TRPM3: variants seen among roughly 807,000 people sequenced by gnomAD.
The protein encoded by TRPM3 is transient receptor potential cation channel subfamily M member 3.
In TRPM3, 77 loss-of-function variants were observed where a neutral mutation model predicts 181.2. That is an observed-to-expected ratio of 0.42 (90% confidence interval 0.35 to 0.51). The LOEUF (loss-of-function observed/expected upper bound fraction) is 0.51. Ranked by LOEUF, TRPM3 falls within the 20% of genes least tolerant of loss-of-function variation. The pLI is 0.01. For synonymous variants in TRPM3, 745 were observed against 796.4 expected (o/e 0.94, Z 1.09); for missense variants, 1,759 against 2,196.7 (o/e 0.80, Z 3.98).
At chr9:70,965,620 G>A (rs886360725) in intron 1 of TRPM3, among the ~76,000 whole-genome samples, 27 of 152,084 alleles carry the variant, frequency 1.8e-4, no homozygotes, top group Admixed American at 1.4e-3. Flanking sequence ...GCATCCCAGG[G>A]ATAAGGCCTA....
At chr9:70,985,020 T>A (rs535251187) in intron 1 of TRPM3, among the ~76,000 whole-genome samples, 2 of 152,160 alleles carry the variant, frequency 1.3e-5, no homozygotes, top group African/African-American at 4.8e-5. Flanking sequence ...ATGTGAACAA[T>A]AACCAGCAGA....
intron 9 of TRPM3, among the ~76,000 whole-genome samples, chr9:70,641,147 G>A (rs1308592042): frequency 6.6e-6 from 1 of 152,164 alleles, no homozygotes; most frequent in Non-Finnish European, 1.5e-5. Flanking sequence ...CTGGTGAGCA[G>A]CATTGCTCTA....
chr9:71,201,065 C>T (rs1309497492), intron 1 of TRPM3, among the ~76,000 whole-genome samples: 1 of 151,986 alleles, frequency 6.6e-6, no homozygotes, highest in Non-Finnish European at 1.5e-5. Context: ...TTAGGGCAGG[C>T]CTGGTGGTGA....
chr9:70,970,244 C>A (rs553548860), intron 1 of TRPM3, among the ~76,000 whole-genome samples: 7 of 152,154 alleles, frequency 4.6e-5, no homozygotes, highest in African/African-American at 1.7e-4. Flanking sequence ...AAAATGAAAA[C>A]CTTTATAATG....
intron 1 of TRPM3, among the ~76,000 whole-genome samples, chr9:71,197,971 C>T (rs921050853): frequency 4.0e-5 from 6 of 151,368 alleles, no homozygotes; most frequent in East Asian, 3.9e-4. Context: ...AATGGTAATG[C>T]CTAGGTTTTC....
intron 1 of TRPM3, among the ~76,000 whole-genome samples, chr9:71,214,891 G>A (rs1203720450): frequency 6.6e-6 from 1 of 151,962 alleles, no homozygotes; most frequent in East Asian, 1.9e-4. Context: ...CTTCTTTGAT[G>A]CTTCCCTGAG....
intron 1 of TRPM3, among the ~76,000 whole-genome samples, chr9:71,409,195 A>C (rs2093494900): frequency 1.3e-5 from 2 of 152,238 alleles, no homozygotes; most frequent in African/African-American, 4.8e-5. Flanking sequence ...AAGACACTGC[A>C]TCAACTACCG....
At chr9:70,836,443 T>C (rs181893359) in intron 5 of TRPM3, among the ~76,000 whole-genome samples, 3 of 152,164 alleles carry the variant, frequency 2.0e-5, no homozygotes, top group African/African-American at 4.8e-5. Context: ...CCTGAACCCA[T>C]TGAAAAGTGC....
chr9:70,923,828 C>CTCTA (rs1554771314), intron 1 of TRPM3, among the ~76,000 whole-genome samples: 38 of 136,084 alleles, frequency 2.8e-4, no homozygotes, highest in East Asian at 2.1e-3. Flanking sequence ...CTCTCTCTCT[C>CTCTA]TATATATATA....
chr9:70,563,148 A>G (rs1464676656), intron 22 of TRPM3, among the ~76,000 whole-genome samples: 2 of 152,180 alleles, frequency 1.3e-5, no homozygotes, highest in Non-Finnish European at 2.9e-5. Context: ...GACATGCATG[A>G]GCTAGCCTGT....
At chr9:70,768,133 C>T (rs1273886943) in intron 7 of TRPM3, among the ~76,000 whole-genome samples, 1 of 152,084 alleles carries the variant, frequency 6.6e-6, no homozygotes, top group East Asian at 1.9e-4. Context: ...GATAAACAGC[C>T]TCAATTGCCT....
intron 6 of TRPM3, chr9:70,826,026 G>A (rs1588902720): frequency 6.6e-6 from 1 of 152,448 alleles, no homozygotes; most frequent in Non-Finnish European, 1.5e-5. Flanking sequence ...ACAATGACAT[G>A]CTTTGCCTCT....
At chr9:71,141,893 G>T (rs1249848673) in intron 1 of TRPM3, among the ~76,000 whole-genome samples, 3 of 149,588 alleles carry the variant, frequency 2.0e-5, no homozygotes, top group Non-Finnish European at 4.5e-5. Flanking sequence ...TAATATTTTT[G>T]TTGCTGTACT....
At chr9:71,066,630 A>C (rs1479587420) in intron 1 of TRPM3, among the ~76,000 whole-genome samples, 5 of 152,204 alleles carry the variant, frequency 3.3e-5, no homozygotes, top group African/African-American at 1.2e-4. Flanking sequence ...ATGTTGCTGT[A>C]TAATTAACAA....
At chr9:71,318,136 T>C (rs551234534) in intron 1 of TRPM3, among the ~76,000 whole-genome samples, 56 of 152,238 alleles carry the variant, frequency 3.7e-4, no homozygotes, top group Admixed American at 3.3e-3. Flanking sequence ...GCTTTGTAAG[T>C]AATATCTATT....
Position 70,917,464 on chromosome 9 carries a change from C to T in TRPM3, c.178-52953G>A, listed in dbSNP as rs927300184. ...GACTGGAGTGGAACAAGGCCACCCG[C>T]ACTGTCACTGCCACCACCAGCACCA... On this transcript the variant is annotated intron_variant, in intron 1 of 25. Coordinates refer to ENST00000677713, the MANE Select transcript of TRPM3 (RefSeq NM_001366145.2). The T allele has an allele frequency of 2.4e-5, 18 of 747,534 alleles. No individual in the cohort carries two copies. The East Asian group carries it at 4.7e-4, about 19-fold the overall frequency. 46.3% of individuals were successfully genotyped at this position (747,534 alleles called of 1,614,324 possible).
intron 1 of TRPM3, among the ~76,000 whole-genome samples, chr9:70,942,703 G>T (rs894828265): frequency 2.0e-5 from 3 of 152,112 alleles, no homozygotes; most frequent in African/African-American, 7.2e-5. Context: ...TTGAATCCTG[G>T]CTCCACCATT....
intron 1 of TRPM3, among the ~76,000 whole-genome samples, chr9:71,304,848 G>A (rs1228506195): frequency 2.0e-5 from 3 of 152,166 alleles, no homozygotes; most frequent in Non-Finnish European, 4.4e-5. Flanking sequence ...GGGTTCTGTA[G>A]CTCGGGTGAA....
chr9:71,302,706 G>T (rs1305727389), intron 1 of TRPM3, among the ~76,000 whole-genome samples: 1 of 151,590 alleles, frequency 6.6e-6, no homozygotes, highest in Non-Finnish European at 1.5e-5. Flanking sequence ...GGATTTAGGA[G>T]GCCCAATGAG....
Sources: allele counts gnomAD v4.1 joint callset (sites outside exome capture counted in the v4.1 genomes callset), GRCh38; gene constraint gnomAD v4.1.1; transcripts MANE v1.5; gene names NCBI Gene and HGNC (gene_info 2026-07-23, HGNC 2026-07-21).